The following KNTC1 variants were observed in gnomAD, a reference collection of about 807,000 sequenced individuals.
The protein encoded by KNTC1 is kinetochore-associated protein 1.
Under a neutral mutation model 314.4 loss-of-function variants are expected in KNTC1, and 253 were observed. That is an observed-to-expected ratio of 0.80 (90% CI 0.73 to 0.89). The LOEUF (loss-of-function observed/expected upper bound fraction) is 0.89, where lower values mean the gene tolerates loss of function less well. KNTC1 is among the 40% of genes least tolerant of loss of function. The pLI is 0.00. For missense variants in KNTC1, 2,475 were observed against 2,572.9 expected (o/e 0.96, Z 0.82); for synonymous variants, 901 against 901.4 (o/e 1.00, Z 0.01).
chr12:122,603,908 A>G (rs1197565658), intron 48 of KNTC1, among the ~76,000 whole-genome samples: 1 of 152,194 alleles, frequency 6.6e-6, no homozygotes, highest in Non-Finnish European at 1.5e-5. Context: ...GACTTTTTAA[A>G]AAATGCTCAG....
At chr12:122,613,083 A>G in intron 53 of KNTC1, 29 bp from the exon 54 acceptor site, 1 of 1,266,150 alleles carries the variant, frequency 7.9e-7, no homozygotes, top group Non-Finnish European at 1.1e-6. Context: ...GCAGGTGTTC[A>G]ACTCTCCAAA....
chr12:122,607,763 T>A (rs1205446575), intron 51 of KNTC1, among the ~76,000 whole-genome samples: 1 of 152,220 alleles, frequency 6.6e-6, no homozygotes, highest in Admixed American at 6.5e-5. Flanking sequence ...GATTTATTGA[T>A]GTTTTTGAAG....
At chr12:122,624,968 C>T (rs1218305872) in intron 63 of KNTC1, among the ~76,000 whole-genome samples, 3 of 152,186 alleles carry the variant, frequency 2.0e-5, no homozygotes, top group African/African-American at 7.2e-5. Context: ...ATTACCATTC[C>T]TCATAAGGTG....
chr12:122,555,976 T>C (rs1176180680), intron 16 of KNTC1, among the ~76,000 whole-genome samples: 2 of 152,172 alleles, frequency 1.3e-5, no homozygotes, highest in Non-Finnish European at 2.9e-5. Flanking sequence ...ACCTCACTTA[T>C]CTTTTTTTGT....
chr12:122,624,132 CTT>C (rs1874746671), intron 62 of KNTC1, among the ~76,000 whole-genome samples: 1 of 152,190 alleles, frequency 6.6e-6, no homozygotes, highest in Admixed American at 6.5e-5. Flanking sequence ...CTAACCTTCT[CTT>C]TGTTCTTTGG....
At position 122,576,888 on chromosome 12, in the gene KNTC1, T is replaced by G; in HGVS notation, c.2587-7T>G. ...TAACAAAGAAATGTTCATATTGTCTTTTGCAGAGAGTGGTTAGATACATTC... is the reference window on the plus strand; with the variant it reads ...TAACAAAGAAATGTTCATATTGTCTGTTGCAGAGAGTGGTTAGATACATTC... On this transcript the variant is annotated splice_region_variant and splice_polypyrimidine_tract_variant and intron_variant, in intron 29 of 63. Coordinates refer to ENST00000333479, the MANE Select transcript of KNTC1 (RefSeq NM_014708.6). 6.4e-7 allele frequency: 1 copy of G among 1,559,696 alleles called. No individual in the cohort carries two copies. The highest frequency in any genetic ancestry group is 8.6e-7 in the Non-Finnish European group (1 of 1,157,370).
At chr12:122,544,327 G>A (rs1197754896) in intron 8 of KNTC1, 58 bp downstream of exon 8, 8 of 856,418 alleles carry the variant, frequency 9.3e-6, no homozygotes, top group South Asian at 8.2e-5. Context: ...TCAGAAAAAT[G>A]TTTTTGTTTT....
In KNTC1 at chr12:122,603,249, A is replaced by T; in HGVS notation, c.5101+6A>T. 6.5e-7 allele frequency: 1 copy of T among 1,527,566 alleles called. No individual in the cohort carries two copies. 94.6% of individuals were successfully genotyped at this position (1,527,566 alleles called of 1,614,324 possible). A position where few individuals can be genotyped will look rare whatever the true frequency, so the allele number is the denominator to read the frequency against. Reference sequence around the variant, plus strand: ...TGCCCAGGATATCCCTGAAGGTATGAGCTCTTCTTTTAAAATTGTAGTTAA... The same window carrying T: ...TGCCCAGGATATCCCTGAAGGTATGTGCTCTTCTTTTAAAATTGTAGTTAA... On this transcript the variant is annotated splice_donor_region_variant and intron_variant, in intron 48 of 63. Transcript: ENST00000333479.
intron 55 of KNTC1, 32 bp downstream of exon 55, chr12:122,613,793 C>A: frequency 6.5e-7 from 1 of 1,549,118 alleles, no homozygotes; most frequent in Non-Finnish European, 8.7e-7. Context: ...ATTCCCAATT[C>A]CCTGCCCCTA....
At chr12:122,539,789 T>A in intron 5 of KNTC1, 35 bp downstream of exon 5, 1 of 1,354,278 alleles carries the variant, frequency 7.4e-7, no homozygotes, top group Non-Finnish European at 1.0e-6. Flanking sequence ...GAATGACTTT[T>A]TTTTTTTTTT....
At chr12:122,620,866 CTG>C (rs1874355297) in intron 60 of KNTC1, among the ~76,000 whole-genome samples, 1 of 152,158 alleles carries the variant, frequency 6.6e-6, no homozygotes, top group African/African-American at 2.4e-5. Flanking sequence ...GAACAGCAAA[CTG>C]AAATGATGAA....
intron 3 of KNTC1, among the ~76,000 whole-genome samples, chr12:122,536,155 G>A (rs1305577707): frequency 1.3e-5 from 2 of 150,826 alleles, no homozygotes; most frequent in Non-Finnish European, 3.0e-5. Flanking sequence ...TGCCTGCCTC[G>A]GCCTCCCAAA....
At chr12:122,578,213 G>C (rs950185320) in intron 31 of KNTC1, among the ~76,000 whole-genome samples, 4 of 152,024 alleles carry the variant, frequency 2.6e-5, no homozygotes, top group Non-Finnish European at 5.9e-5. Flanking sequence ...TTGCAGATGA[G>C]GAATACTTGG....
At chr12:122,599,856 A>C (rs1331238209) in intron 44 of KNTC1, among the ~76,000 whole-genome samples, 1 of 152,126 alleles carries the variant, frequency 6.6e-6, no homozygotes, top group African/African-American at 2.4e-5. Flanking sequence ...GTCACTACAA[A>C]AAATTTTTTT....
chr12:122,528,610 G>A (rs1961001242), intron 1 of KNTC1, among the ~76,000 whole-genome samples: 1 of 152,138 alleles, frequency 6.6e-6, no homozygotes, highest in East Asian at 1.9e-4. Context: ...TAGTCCCTTG[G>A]TATTGGTATC....
At chr12:122,594,432 A>G in intron 43 of KNTC1, 47 bp downstream of exon 43, 2 of 1,049,122 alleles carry the variant, frequency 1.9e-6, no homozygotes, top group Non-Finnish European at 2.9e-6. Context: ...ACAAACTGGT[A>G]ATTCTTTTGC....
chr12:122,551,177 A>G (rs530711996), intron 13 of KNTC1, 142 bp from the exon 14 acceptor site: 4 of 559,870 alleles, frequency 7.1e-6, no homozygotes, highest in African/African-American at 5.8e-5. Flanking sequence ...TTTTGTGGGT[A>G]CATAGTAGGT....
chr12:122,576,688 G>T (rs1965047116), intron 29 of KNTC1, among the ~76,000 whole-genome samples: 1 of 151,948 alleles, frequency 6.6e-6, no homozygotes, highest in Non-Finnish European at 1.5e-5. Flanking sequence ...TCAAAAAAAA[G>T]ACACCAAATA....
Position 122,547,511 on chromosome 12 carries a change from T to G in KNTC1, c.913T>G (p.Ser305Ala), listed in dbSNP as rs191922047. Residue 305 changes from serine (S) to alanine (A), a missense_variant, in exon 11 of 64, where the codon TCT becomes GCT. By Grantham distance (99) the Ser-to-Ala change is moderately conservative. Coordinates refer to ENST00000333479, the MANE Select transcript of KNTC1 (RefSeq NM_014708.6). ...GTTTCTTCTTACTACAGAAGCAGAC[T>G]CTCCTTCATCAGTCACGTGGTATGT... ...EEFLLTTEAD[S>A]PSSVTWQGIT... 122 of 1,605,636 alleles carry G rather than the reference T, an allele frequency of 7.6e-5. No individual in the cohort carries two copies. Among genetic ancestry groups the G allele is most frequent in the Non-Finnish European group, 9.6e-5 (113 of 1,172,920 alleles).
Sources: gnomAD v4.1 joint callset for allele counts (sites outside exome capture counted in the v4.1 genomes callset) on GRCh38, gnomAD v4.1.1 for gene constraint, MANE v1.5 for transcripts, NCBI Gene and HGNC (gene_info 2026-07-23, HGNC 2026-07-21) for gene names.